CLASP1: variants seen among roughly 807,000 people sequenced by gnomAD.
CLASP1 encodes CLIP-associating protein 1.
In CLASP1, 38 loss-of-function variants were observed where a neutral mutation model predicts 192.3. That is an observed-to-expected ratio of 0.20 (90% CI 0.15 to 0.26). The LOEUF (loss-of-function observed/expected upper bound fraction) is 0.26. Among genes scored for constraint, CLASP1 ranks in the 10% least tolerant of loss-of-function variants. The pLI is 1.00. For missense variants in CLASP1, 1,433 were observed against 1,932.5 expected (o/e 0.74, Z 4.85); for synonymous variants, 691 against 712.8 (o/e 0.97, Z 0.49).
intron 30 of CLASP1, among the ~76,000 whole-genome samples, chr2:121,390,964 G>T (rs1038044137): frequency 6.6e-6 from 1 of 152,050 alleles, no homozygotes; most frequent in Non-Finnish European, 1.5e-5. Context: ...GACTACAGGC[G>T]TGTGCCACTG....
exon 25 of CLASP1, chr2:121,407,518 T>C (rs975215886): frequency 1.8e-5 from 29 of 1,613,912 alleles, no homozygotes; most frequent in Non-Finnish European, 2.5e-5. Flanking sequence ...CCAGAAGCCC[T>C]TCTTTCCTTT....
chr2:121,506,806 GT>G (rs1189346131), intron 7 of CLASP1, among the ~76,000 whole-genome samples: 1 of 152,182 alleles, frequency 6.6e-6, no homozygotes, highest in Non-Finnish European at 1.5e-5. Flanking sequence ...GGAAATCTCT[GT>G]TCAATCATTA....
intron 6 of CLASP1, among the ~76,000 whole-genome samples, chr2:121,519,888 C>T (rs2094418345): frequency 6.6e-6 from 1 of 152,174 alleles, no homozygotes; most frequent in African/African-American, 2.4e-5. Context: ...GACAATGCAG[C>T]TATTCACTTC....
intron 2 of CLASP1, among the ~76,000 whole-genome samples, chr2:121,592,070 T>C (rs1301019128): frequency 6.6e-6 from 1 of 152,214 alleles, no homozygotes; most frequent in Admixed American, 6.5e-5. Flanking sequence ...CTTGGTTTTC[T>C]TTTTACTCCA....
chr2:121,585,520 C>T (rs2061619066), intron 2 of CLASP1, among the ~76,000 whole-genome samples: 1 of 152,118 alleles, frequency 6.6e-6, no homozygotes, highest in South Asian at 2.1e-4. Context: ...CTGCCCTAAA[C>T]AGGGTATATC....
At position 121,365,799 on chromosome 2, in the gene CLASP1, G is replaced by A. The variant is rs371227250; in HGVS notation, c.3887-515C>T. Among the ~76,000 whole-genome samples, 4 of 152,250 alleles carry A rather than the reference G, an allele frequency of 2.6e-5. No individual in the cohort carries two copies. The East Asian group carries it at 7.7e-4, about 29-fold the overall frequency. ...TGTCTACAGCTTAGGAACCAGCATG[G>A]TGAACAAATACCAGTCAAGGTGTTT... On this transcript the variant is annotated intron_variant, in intron 35 of 39. Coordinates refer to ENST00000263710, the Ensembl canonical transcript of CLASP1.
At position 121,530,884 on chromosome 2, in the gene CLASP1, A is replaced by T. The variant is rs533487249; in HGVS notation, c.196-559T>A. 3 of 692,558 alleles carry T rather than the reference A, an allele frequency of 4.3e-6. No individual in the cohort carries two copies. Among genetic ancestry groups the T allele is most frequent in the African/African-American group, 3.5e-5 (2 of 56,952 alleles). 42.9% of individuals were successfully genotyped at this position (692,558 alleles called of 1,614,324 possible). The stretch of plus-strand genomic sequence containing the variant: ...AGCCCAGGGACTTTCTATTATAACC[A>T]TCCTTTTCTTGGGGTTGCGCTACTG... On this transcript the variant is annotated intron_variant, in intron 2 of 39. Coordinates refer to ENST00000263710, the Ensembl canonical transcript of CLASP1.
At chr2:121,454,035 G>A (rs750113443) in intron 14 of CLASP1, among the ~76,000 whole-genome samples, 7 of 152,178 alleles carry the variant, frequency 4.6e-5, no homozygotes, top group Non-Finnish European at 7.3e-5. Context: ...GTGTGGTTCA[G>A]AAATTGGTGA....
intron 8 of CLASP1, among the ~76,000 whole-genome samples, chr2:121,475,474 T>C (rs930929195): frequency 6.6e-6 from 1 of 152,234 alleles, no homozygotes; most frequent in African/African-American, 2.4e-5. Context: ...ATAAGCTGTA[T>C]CTGCAACTGG....
intron 2 of CLASP1, among the ~76,000 whole-genome samples, chr2:121,561,591 A>G (rs2059090453): frequency 6.6e-6 from 1 of 152,178 alleles, no homozygotes; most frequent in Admixed American, 6.5e-5. Context: ...ATGACAGCTG[A>G]TGAGCTTAAA....
chr2:121,513,271 C>T (rs1166696820), intron 7 of CLASP1, among the ~76,000 whole-genome samples: 1 of 152,122 alleles, frequency 6.6e-6, no homozygotes, highest in Non-Finnish European at 1.5e-5. Context: ...TCGTGTATGC[C>T]AAAGTGTCAC....
intron 37 of CLASP1, among the ~76,000 whole-genome samples, chr2:121,361,086 G>A (rs559422384): frequency 1.4e-4 from 22 of 152,312 alleles, no homozygotes; most frequent in African/African-American, 4.3e-4. Context: ...CGGTAAGTGC[G>A]TGCCAAGACA....
At chr2:121,457,506 T>C (rs1370743760) in intron 14 of CLASP1, among the ~76,000 whole-genome samples, 181 bp downstream of exon 14, 1 of 151,528 alleles carries the variant, frequency 6.6e-6, no homozygotes, top group East Asian at 1.9e-4. Context: ...TAATAGAGGT[T>C]GTCCACATTC....
At chr2:121,494,421 A>G (rs1362780668) in intron 8 of CLASP1, among the ~76,000 whole-genome samples, 1 of 152,202 alleles carries the variant, frequency 6.6e-6, no homozygotes, top group Non-Finnish European at 1.5e-5. Flanking sequence ...GGAGATAGGG[A>G]GTAGAATACC....
chr2:121,512,101 G>A (rs1287547553), intron 7 of CLASP1, among the ~76,000 whole-genome samples: 1 of 152,176 alleles, frequency 6.6e-6, no homozygotes, highest in Non-Finnish European at 1.5e-5. Context: ...TTACCAAATA[G>A]TTATAATGAA....
intron 19 of CLASP1, among the ~76,000 whole-genome samples, chr2:121,435,136 C>T (rs13405229): frequency 0.061 from 9,228 of 152,186 alleles, 308 homozygotes; most frequent in Middle Eastern, 0.092. Context: ...GCCTGGGAAA[C>T]ATAGCAAGAC....
chr2:121,423,359 G>A (rs560595877), intron 22 of CLASP1, among the ~76,000 whole-genome samples: 11 of 152,068 alleles, frequency 7.2e-5, no homozygotes, highest in Non-Finnish European at 1.5e-4. Context: ...ATAAAATATT[G>A]TCTTTTCAAC....
intron 23 of CLASP1, among the ~76,000 whole-genome samples, chr2:121,414,471 G>A (rs930947596): frequency 6.6e-5 from 10 of 152,154 alleles, no homozygotes; most frequent in East Asian, 1.9e-4. Context: ...CAACCAACTC[G>A]GACTCCAGGG....
chr2:121,450,796 A>T, intron 16 of CLASP1, 117 bp downstream of exon 16: 1 of 692,622 alleles, frequency 1.4e-6, no homozygotes, highest in Non-Finnish European at 2.4e-6. Flanking sequence ...GGTCATGTTT[A>T]AAAGTCATGG....
Sources: gnomAD v4.1 joint callset for allele counts (sites outside exome capture counted in the v4.1 genomes callset) on GRCh38, gnomAD v4.1.1 for gene constraint, MANE v1.5 for transcripts, NCBI Gene and HGNC (gene_info 2026-07-23, HGNC 2026-07-21) for gene names.